Variants in AGXT observed in about 807,000 individuals in gnomAD.
AGXT encodes alanine--glyoxylate aminotransferase.
Under a neutral mutation model 46.9 loss-of-function variants are expected in AGXT, and 41 were observed. That is an observed-to-expected ratio of 0.88 (90% CI 0.68 to 1.14). The LOEUF (loss-of-function observed/expected upper bound fraction) is 1.14, where lower values mean the gene tolerates loss of function less well. Among genes scored for constraint, AGXT ranks in the 50% most tolerant of loss-of-function variants. The pLI is 0.00. For missense variants in AGXT, 525 were observed against 522.7 expected, an observed-to-expected ratio of 1.00 and a Z score of -0.04; for synonymous variants, 244 against 227.9, an observed-to-expected ratio of 1.07 and a Z score of -0.64.
intron 6 of AGXT, among the ~76,000 whole-genome samples, chr2:240,874,390 G>A (rs1204671736): frequency 3.9e-5 from 6 of 152,248 alleles, no homozygotes; most frequent in Non-Finnish European, 5.9e-5. Context: ...TCAGCTTCCA[G>A]GGGCTGCCCC....
At chr2:240,875,575 T>A (rs958742039) in intron 7 of AGXT, among the ~76,000 whole-genome samples, 1 of 152,342 alleles carries the variant, frequency 6.6e-6, no homozygotes, top group Non-Finnish European at 1.5e-5. Context: ...AGGCCCCTTA[T>A]GTTACACACA....
intron 8 of AGXT, chr2:240,877,147 G>A: frequency 2.4e-6 from 1 of 410,336 alleles, no homozygotes; most frequent in Non-Finnish European, 4.8e-6. Context: ...CCAGGTCGGG[G>A]GAGCTGGCCC....
chr2:240,873,713 C>T (rs1044766394), intron 5 of AGXT, among the ~76,000 whole-genome samples: 2 of 152,162 alleles, frequency 1.3e-5, no homozygotes, highest in East Asian at 1.9e-4. Flanking sequence ...CCCAGGGACA[C>T]GGTGCCTGGG....
rs180177201 is a variant in AGXT, at chr2:240,868,890, A to AC, written c.33dup (p.Lys12GlnfsTer156). ...CATGGCCTCTCACAAGCTGCTGGTG[A>AC]CCCCCCCCAAGGCCCTGCTCAAGCC... On this transcript the variant is annotated frameshift_variant, in exon 1 of 11. Transcript: ENST00000307503. LOFTEE classifies it high-confidence loss of function. 1.5e-4 allele frequency: 246 copies of AC among 1,610,406 alleles called. No individual in the cohort carries two copies. The highest frequency in any genetic ancestry group is 3.3e-4 in the Middle Eastern group (2 of 6,020).
At chr2:240,872,356 C>G (rs74193722) in intron 4 of AGXT, among the ~76,000 whole-genome samples, 233 of 32,002 alleles carry the variant, frequency 7.3e-3, no homozygotes, top group Middle Eastern at 0.019. Context: ...CGTGAACATG[C>G]AGGCGGAGGA....
intron 8 of AGXT, 93 bp from the exon 9 acceptor site, chr2:240,877,444 G>A (rs1376749375): frequency 4.8e-6 from 6 of 1,262,950 alleles, no homozygotes; most frequent in Non-Finnish European, 5.6e-6. Flanking sequence ...ACCAAGGCCT[G>A]CAGAGTCAGG....
Position 240,869,096 on chromosome 2 carries a change from A to G in AGXT, c.165+66A>G. ...TGTTCCCACCCACAGATCGTGGACG[A>G]GGGAAGGGGGTCACTGCCTCCTCAC... On this transcript the variant is annotated intron_variant, in intron 1 of 10. Coordinates refer to ENST00000307503, the MANE Select transcript of AGXT (RefSeq NM_000030.3). 4 of 1,611,666 alleles carry G rather than the reference A, an allele frequency of 2.5e-6. No homozygotes were observed. In the South Asian group the frequency reaches 4.4e-5, roughly 18 times the overall value.
chr2:240,870,414 G>A (rs1279678655), intron 2 of AGXT, among the ~76,000 whole-genome samples: 1 of 152,172 alleles, frequency 6.6e-6, no homozygotes, highest in East Asian at 1.9e-4. Flanking sequence ...TGTCAAGAGT[G>A]CCCCAGGAGC....
At chr2:240,875,802 G>A in intron 7 of AGXT, 133 bp from the exon 8 acceptor site, 1 of 989,290 alleles carries the variant, frequency 1.0e-6, no homozygotes. Flanking sequence ...AACCCGGACA[G>A]GACTCCTCTG....
At chr2:240,873,560 C>T in intron 5 of AGXT, 1 of 290,058 alleles carries the variant, frequency 3.4e-6, no homozygotes. Flanking sequence ...ACATTGCATC[C>T]ACTGCGGTGC....
Position 240,878,776 on chromosome 2 carries a change from G to A in AGXT, c.1134G>A (p.Glu378=). The stretch of plus-strand genomic sequence containing the variant: ...GCGAGAATGTGGACCGCGTGACGGA[G>A]GCCCTGAGGGCGGCCCTGCAGCACT... ...ATRENVDRVT[E]ALRAALQHCP... is the part of the protein sequence containing the mutation. Residue 378 remains glutamate, a synonymous_variant, in exon 11 of 11, where the codon GAG becomes GAA. Coordinates refer to ENST00000307503, the MANE Select transcript of AGXT (RefSeq NM_000030.3). The A allele has an allele frequency of 5.6e-6, 9 of 1,595,070 alleles. No individual in the cohort carries two copies. The highest frequency in any genetic ancestry group is 7.7e-6 in the Non-Finnish European group (9 of 1,174,052).
intron 8 of AGXT, chr2:240,877,017 G>C (rs918572704): frequency 1.6e-5 from 4 of 250,336 alleles, no homozygotes; most frequent in Non-Finnish European, 3.2e-5. Context: ...GGCCATGAGA[G>C]CTGGTGGCTG....
intron 3 of AGXT, 66 bp from the exon 4 acceptor site, chr2:240,871,283 G>C (rs1438602868): frequency 2.9e-6 from 4 of 1,376,794 alleles, no homozygotes; most frequent in Non-Finnish European, 4.0e-6. Context: ...ACCCATGGGG[G>C]GTTTGTGGGG....
rs375481302 is a variant in AGXT at position 240,871,332 on chromosome 2, C to G, written c.424-17C>G. ...TGCCCCTCTGAGCTCCACCCACAGCCGTCCCTGCTTCCTCAGGGCCTGGCC... is the reference window on the plus strand; with the variant it reads ...TGCCCCTCTGAGCTCCACCCACAGCGGTCCCTGCTTCCTCAGGGCCTGGCC... On this transcript the variant is annotated splice_polypyrimidine_tract_variant and intron_variant, in intron 3 of 10. Coordinates refer to ENST00000307503, the MANE Select transcript of AGXT (RefSeq NM_000030.3). 3.2e-6 allele frequency: 5 copies of G among 1,560,380 alleles called. No individual in the cohort carries two copies. Among genetic ancestry groups the G allele is most frequent in the Admixed American group, 1.9e-5 (1 of 52,434 alleles).
chr2:240,878,212 G>C, intron 10 of AGXT, 62 bp downstream of exon 10: 1 of 1,602,020 alleles, frequency 6.2e-7, no homozygotes, highest in African/African-American at 1.3e-5. Context: ...TCCTTGAGCA[G>C]GACTGTGCAC....
At chr2:240,876,790 T>G in intron 8 of AGXT, 1 of 160,804 alleles carries the variant, frequency 6.2e-6, no homozygotes, top group Non-Finnish European at 1.4e-5. Flanking sequence ...AGGCGAGGGG[T>G]CAGGCGCTCA....
chr2:240,873,500 G>A (rs898178195), intron 5 of AGXT: 44 of 258,584 alleles, frequency 1.7e-4, no homozygotes, highest in African/African-American at 9.4e-4. Context: ...CAGGCCGGCC[G>A]AGGGGCCAAG....
chr2:240,875,783 A>G lies in AGXT; in HGVS notation c.777-152A>G, dbSNP rs1045775708. The G allele has an allele frequency of 5.8e-6, 5 of 865,736 alleles. No homozygotes were observed. The African/African-American group carries it at 6.8e-5, about 12-fold the overall frequency. The allele number at this position is 865,736 out of a possible 1,614,324, so 53.6% of individuals were successfully genotyped here. On this transcript the variant is annotated intron_variant, in intron 7 of 10. Transcript: ENST00000307503. The stretch of plus-strand genomic sequence containing the variant: ...GCAGACGAAGCTGCCTTCCCGGTCC[A>G]AAGTTCTGAACCCGGACAGGACTCC...
chr2:240,871,197 C>T lies in AGXT; in HGVS notation c.424-152C>T, dbSNP rs1047075154. On this transcript the variant is annotated intron_variant, in intron 3 of 10. Transcript: ENST00000307503. The stretch of plus-strand genomic sequence containing the variant: ...AGCCCTTGTCCCGGAGCGGAGATGC[C>T]CCAGCCTCCTCCTCCCATGCACACC... 1.3e-5 allele frequency: 9 copies of T among 706,544 alleles called. 1 individual carries two copies. The highest frequency in any genetic ancestry group is 7.9e-5 in the South Asian group (5 of 63,366). 43.8% of individuals were successfully genotyped at this position (706,544 alleles called of 1,614,324 possible).
Sources: allele counts gnomAD v4.1 joint callset (sites outside exome capture counted in the v4.1 genomes callset), GRCh38; gene constraint gnomAD v4.1.1; transcripts MANE v1.5; gene names NCBI Gene and HGNC (gene_info 2026-07-23, HGNC 2026-07-21).